Variants in NRG3 observed in about 807,000 individuals in gnomAD.
NRG3 encodes neuregulin 3, also known as pro-neuregulin-3, membrane-bound isoform.
NRG3 carries 31 observed loss-of-function variants against 66.9 expected under a neutral mutation model. That is an observed-to-expected ratio of 0.46 (90% confidence interval 0.35 to 0.63). The LOEUF is 0.63. NRG3 is among the 20% of genes least tolerant of loss of function. The pLI is 0.00. For missense variants in NRG3, 910 were observed against 878.9 expected (o/e 1.04, Z -0.45); for synonymous variants, 393 against 359.4 (o/e 1.09, Z -1.06).
chr10:82,952,469 CTCTG>C (rs1182014831), intron 5 of NRG3, among the ~76,000 whole-genome samples: 72 of 35,412 alleles, frequency 2.0e-3, no homozygotes, highest in African/African-American at 6.6e-3. Flanking sequence ...CTCTCTCTCT[CTCTG>C]TGTGTGTGTG....
intron 1 of NRG3, among the ~76,000 whole-genome samples, chr10:82,227,387 CATTATT>C (rs748620902): frequency 4.6e-5 from 7 of 151,742 alleles, no homozygotes; most frequent in South Asian, 2.1e-4. Flanking sequence ...ACAACTGGCT[CATTATT>C]ATTATTATTA....
At chr10:82,348,924 C>A (rs1453223954) in intron 1 of NRG3, among the ~76,000 whole-genome samples, 5 of 147,088 alleles carry the variant, frequency 3.4e-5, no homozygotes, top group African/African-American at 9.9e-5. Context: ...TCCATCAGCT[C>A]CTTTAAGCAC....
At chr10:82,793,392 G>C (rs1034960381) in intron 3 of NRG3, among the ~76,000 whole-genome samples, 1 of 152,074 alleles carries the variant, frequency 6.6e-6, no homozygotes. Flanking sequence ...ATTAGGGAGA[G>C]GGTAGATATG....
chr10:82,595,852 T>A (rs1461366241), intron 2 of NRG3, among the ~76,000 whole-genome samples: 1 of 152,148 alleles, frequency 6.6e-6, no homozygotes, highest in Non-Finnish European at 1.5e-5. Flanking sequence ...CACTAGTTGT[T>A]TGCTTTTGGG....
At chr10:82,910,193 G>A (rs998560750) in intron 4 of NRG3, among the ~76,000 whole-genome samples, 3 of 152,200 alleles carry the variant, frequency 2.0e-5, no homozygotes, top group African/African-American at 7.2e-5. Flanking sequence ...GTAAAGACTT[G>A]TGATAAATCA....
At chr10:82,708,335 G>A (rs1221895453) in intron 2 of NRG3, among the ~76,000 whole-genome samples, 1 of 152,064 alleles carries the variant, frequency 6.6e-6, no homozygotes, top group Non-Finnish European at 1.5e-5. Context: ...TTAGGTGCAG[G>A]AGGTACAGGT....
chr10:82,703,284 A>G (rs1005385480), intron 2 of NRG3, among the ~76,000 whole-genome samples: 1 of 152,148 alleles, frequency 6.6e-6, no homozygotes, highest in African/African-American at 2.4e-5. Context: ...TCCTCCTTAG[A>G]CCTTCACCAT....
At chr10:82,410,282 A>T (rs1286777586) in intron 2 of NRG3, among the ~76,000 whole-genome samples, 1 of 151,996 alleles carries the variant, frequency 6.6e-6, no homozygotes, top group Non-Finnish European at 1.5e-5. Flanking sequence ...CTTATGTATT[A>T]TTATATTCTA....
At chr10:82,780,480 CTTTTTTT>C (rs150086019) in intron 3 of NRG3, among the ~76,000 whole-genome samples, 4 of 106,102 alleles carry the variant, frequency 3.8e-5, no homozygotes, top group South Asian at 3.2e-4. Flanking sequence ...TTTTTCTTTT[CTTTTTTT>C]TTTTTTTTTT....
intron 1 of NRG3, among the ~76,000 whole-genome samples, chr10:82,133,630 A>G (rs1025523588): frequency 2.0e-5 from 3 of 152,134 alleles, no homozygotes; most frequent in African/African-American, 7.2e-5. Context: ...CATGGTGTAT[A>G]TGTACCACGT....
chr10:82,239,731 G>T (rs1041211927), intron 1 of NRG3, among the ~76,000 whole-genome samples: 15 of 151,784 alleles, frequency 9.9e-5, no homozygotes, highest in African/African-American at 2.7e-4. Context: ...TTTTCTCATG[G>T]TTTTTTCTTA....
intron 1 of NRG3, among the ~76,000 whole-genome samples, chr10:82,158,247 A>G (rs2071322553): frequency 6.6e-6 from 1 of 151,858 alleles, no homozygotes; most frequent in Non-Finnish European, 1.5e-5. Flanking sequence ...AACTGAATTA[A>G]CATGTCATTT....
intron 2 of NRG3, among the ~76,000 whole-genome samples, chr10:82,381,556 T>G (rs1353889272): frequency 6.6e-6 from 1 of 152,184 alleles, no homozygotes; most frequent in Non-Finnish European, 1.5e-5. Context: ...AGATTACCTC[T>G]GAAAGACTGA....
At chr10:81,914,751 G>A (rs1466597646) in intron 1 of NRG3, among the ~76,000 whole-genome samples, 1 of 109,904 alleles carries the variant, frequency 9.1e-6, no homozygotes, top group Non-Finnish European at 1.7e-5. Flanking sequence ...GTGATAGCCT[G>A]TCTTTAAAAA....
chr10:82,247,536 G>GAA (rs749002613), intron 1 of NRG3, among the ~76,000 whole-genome samples: 6 of 152,064 alleles, frequency 3.9e-5, no homozygotes, highest in Non-Finnish European at 8.8e-5. Context: ...TTCAACATAT[G>GAA]GGTTTGGAGA....
intron 2 of NRG3, among the ~76,000 whole-genome samples, chr10:82,628,791 C>T (rs2049606566): frequency 6.6e-6 from 1 of 152,096 alleles, no homozygotes. Flanking sequence ...ACTTTATTTA[C>T]CACTGTATTC....
chr10:82,799,620 G>A (rs2135425796), intron 3 of NRG3: 1 of 152,054 alleles, frequency 6.6e-6, no homozygotes, highest in South Asian at 2.1e-4. Context: ...GAGAAATACA[G>A]GCAGAAGCCA....
intron 2 of NRG3, among the ~76,000 whole-genome samples, chr10:82,500,021 G>A (rs1416489526): frequency 6.6e-6 from 1 of 152,112 alleles, no homozygotes; most frequent in Non-Finnish European, 1.5e-5. Context: ...TATGAATAAG[G>A]GCTAAAGTGT....
intron 2 of NRG3, among the ~76,000 whole-genome samples, chr10:82,559,039 G>T (rs538446120): frequency 6.6e-6 from 1 of 152,150 alleles, no homozygotes; most frequent in Non-Finnish European, 1.5e-5. Flanking sequence ...GAACATACTT[G>T]CATTTGTTTG....
Sources: allele counts gnomAD v4.1 joint callset (sites outside exome capture counted in the v4.1 genomes callset), GRCh38; gene constraint gnomAD v4.1.1; transcripts MANE v1.5; gene names NCBI Gene and HGNC (gene_info 2026-07-23, HGNC 2026-07-21).